Variants in PCSK2 observed in about 807,000 individuals in gnomAD.
PCSK2 encodes the protein neuroendocrine convertase 2.
A neutral mutation model predicts 69.7 loss-of-function variants in PCSK2; 14 were observed. That is an observed-to-expected ratio of 0.20 (90% confidence interval 0.13 to 0.31). The LOEUF (loss-of-function observed/expected upper bound fraction) is 0.31, where lower values mean the gene tolerates loss of function less well. Ranked by LOEUF, PCSK2 falls within the 10% of genes least tolerant of loss-of-function variation. PCSK2 has a pLI of 1.00. For synonymous variants in PCSK2, 307 were observed against 320.7 expected (o/e 0.96, Z 0.46); for missense variants, 544 against 842.5 (o/e 0.65, Z 4.39).
chr20:17,429,310 C>T (rs141839089), intron 6 of PCSK2, 125 bp from the exon 7 acceptor site: 7,885 of 715,884 alleles, frequency 0.011, 68 homozygotes, highest in South Asian at 0.018. Flanking sequence ...TCTTCAGTGA[C>T]ACAGGGTTTA....
intron 5 of PCSK2, among the ~76,000 whole-genome samples, chr20:17,382,497 G>A (rs955679302): frequency 5.3e-5 from 8 of 152,130 alleles, no homozygotes; most frequent in South Asian, 2.1e-4. Flanking sequence ...AAATGGCATC[G>A]CCATGGTCAC....
intron 8 of PCSK2, among the ~76,000 whole-genome samples, chr20:17,447,100 A>T (rs1568654074): frequency 7.1e-6 from 1 of 140,940 alleles, no homozygotes; most frequent in Non-Finnish European, 1.5e-5. Flanking sequence ...TACTAAAAAA[A>T]ATAAATAAAG....
At chr20:17,335,192 T>C (rs995637040) in intron 2 of PCSK2, among the ~76,000 whole-genome samples, 30 of 70,548 alleles carry the variant, frequency 4.3e-4, no homozygotes, top group African/African-American at 1.2e-3. Context: ...GCAGCGGAGA[T>C]TGGGGGGGTT....
chr20:17,481,388 CAAAAAAAAAAAA>C (rs3076146), intron 11 of PCSK2, among the ~76,000 whole-genome samples, 184 bp from the exon 12 acceptor site: 1,200 of 65,708 alleles, frequency 0.018, 47 homozygotes, highest in African/African-American at 0.084. Context: ...TCTCAAAAGA[CAAAAAAAAAAAA>C]AAAAAAAAAA....
intron 5 of PCSK2, among the ~76,000 whole-genome samples, chr20:17,393,871 C>T (rs1169707038): frequency 6.6e-6 from 1 of 152,102 alleles, no homozygotes. Context: ...AAAAAGGAGG[C>T]TTGAAATATC....
intron 8 of PCSK2, among the ~76,000 whole-genome samples, chr20:17,445,510 C>A (rs1244961302): frequency 6.6e-6 from 1 of 152,244 alleles, no homozygotes; most frequent in Non-Finnish European, 1.5e-5. Context: ...GCACAGAACT[C>A]AGGTCTTCTT....
intron 4 of PCSK2, among the ~76,000 whole-genome samples, chr20:17,368,696 A>G (rs550314381): frequency 1.6e-4 from 24 of 152,282 alleles, no homozygotes; most frequent in African/African-American, 5.5e-4. Context: ...TCCTGCTGAG[A>G]CATTCAAGCC....
chr20:17,306,642 C>T (rs898822158), intron 2 of PCSK2, among the ~76,000 whole-genome samples: 1 of 152,148 alleles, frequency 6.6e-6, no homozygotes, highest in Non-Finnish European at 1.5e-5. Flanking sequence ...CAGTACCCTT[C>T]CCTGATTTCT....
intron 1 of PCSK2, among the ~76,000 whole-genome samples, chr20:17,259,854 C>G (rs1987310313): frequency 6.6e-6 from 1 of 152,088 alleles, no homozygotes; most frequent in Non-Finnish European, 1.5e-5. Context: ...CAGCATAATT[C>G]TGAAGCAACC....
intron 2 of PCSK2, among the ~76,000 whole-genome samples, chr20:17,295,213 A>AACAC (rs58508384): frequency 0.011 from 1,606 of 146,264 alleles, 28 homozygotes; most frequent in African/African-American, 0.031. Flanking sequence ...ATACGCAGTT[A>AACAC]ACACACACAC....
chr20:17,359,019 A>G (rs558258793), intron 3 of PCSK2, among the ~76,000 whole-genome samples: 3 of 152,242 alleles, frequency 2.0e-5, no homozygotes, highest in Non-Finnish European at 2.9e-5. Flanking sequence ...TGGGTCACCA[A>G]CAGTTCATCA....
In PCSK2 at chr20:17,229,178, A is replaced by G. The variant is rs989534029; in HGVS notation, c.177+1696A>G. Among the ~76,000 whole-genome samples, 17 of 151,966 alleles carry G rather than the reference A, an allele frequency of 1.1e-4. No individual in the cohort carries two copies. In the East Asian group the frequency reaches 2.9e-3, roughly 26 times the overall value. ...TCTCAACATCTCTGAGGAGGCTACT[A>G]TCATTATTGAGCCTATGGCCCCGTT... On this transcript the variant is annotated intron_variant, in intron 1 of 11. Transcript: ENST00000262545.
rs1987751575 is a variant in PCSK2 at position 17,269,017 on chromosome 20, A to AATG, written c.282+8674_282+8676dup. Reference sequence around the variant, plus strand: ...GTTGGCCTGCATTACTATAGAATGAAATGGCACTTATGCATATGGACAAGA... The same window carrying AATG: ...GTTGGCCTGCATTACTATAGAATGAAATGATGGCACTTATGCATATGGACAAGA... On this transcript the variant is annotated intron_variant, in intron 2 of 11. Transcript: ENST00000262545. Among the ~76,000 whole-genome samples the AATG allele has an allele frequency of 2.6e-5, 4 of 152,356 alleles. No homozygotes were observed. The South Asian group carries it at 8.3e-4, about 32-fold the overall frequency.
chr20:17,333,878 A>G (rs955601856), intron 2 of PCSK2, among the ~76,000 whole-genome samples: 3 of 135,008 alleles, frequency 2.2e-5, no homozygotes, highest in Non-Finnish European at 4.7e-5. Flanking sequence ...CTGTGCTATT[A>G]TTTCCATACA....
At chr20:17,369,114 A>G (rs921147207) in intron 4 of PCSK2, 126 bp from the exon 5 acceptor site, 3 of 753,560 alleles carry the variant, frequency 4.0e-6, no homozygotes, top group Admixed American at 2.0e-5. Flanking sequence ...GTGATGGGGC[A>G]CTCACCCCCA....
At chr20:17,442,062 T>A (rs6034826) in intron 8 of PCSK2, among the ~76,000 whole-genome samples, 1 of 149,196 alleles carries the variant, frequency 6.7e-6, no homozygotes, top group Non-Finnish European at 1.5e-5. Flanking sequence ...CAGATAGGCA[T>A]ACAGGGAGAA....
rs57023432 is a variant in PCSK2 at position 17,340,976 on chromosome 20, G to A, written c.283-17351G>A. Among the ~76,000 whole-genome samples, 512 of 152,300 alleles carry A rather than the reference G, an allele frequency of 3.4e-3. 9 individuals are homozygous for A. The East Asian group carries it at 0.035, about 10-fold the overall frequency. On this transcript the variant is annotated intron_variant, in intron 2 of 11. Coordinates refer to ENST00000262545, the MANE Select transcript of PCSK2 (RefSeq NM_002594.5). ...CCAATGTTTAAAGGATTGGCCGGGC[G>A]CAGTGGCTCATACCTGTAATCCCAG...
chr20:17,375,143 C>T (rs529262884), intron 5 of PCSK2, among the ~76,000 whole-genome samples: 44 of 152,132 alleles, frequency 2.9e-4, no homozygotes, highest in Non-Finnish European at 4.9e-4. Flanking sequence ...AATAAGCATT[C>T]ATTTCCTTCT....
At chr20:17,479,117 T>C in intron 11 of PCSK2, 1 of 1,348,442 alleles carries the variant, frequency 7.4e-7, no homozygotes, top group Non-Finnish European at 1.1e-6. Flanking sequence ...ACATTGACAA[T>C]ACAGTTCATG....
Sources: gnomAD v4.1 joint callset for allele counts (sites outside exome capture counted in the v4.1 genomes callset) on GRCh38, gnomAD v4.1.1 for gene constraint, MANE v1.5 for transcripts, NCBI Gene and HGNC (gene_info 2026-07-23, HGNC 2026-07-21) for gene names.